FIG4: variants seen among roughly 807,000 people sequenced by gnomAD.
FIG4 encodes the protein polyphosphoinositide phosphatase.
Under a neutral mutation model 118.6 loss-of-function variants are expected in FIG4, and 112 were observed. That is an observed-to-expected ratio of 0.94 (90% CI 0.81 to 1.11). The LOEUF (loss-of-function observed/expected upper bound fraction) is 1.11, where lower values mean the gene tolerates loss of function less well. Ranked by LOEUF, FIG4 falls within the 50% of genes least tolerant of loss-of-function variation. The pLI, the probability that FIG4 is intolerant of heterozygous loss-of-function variation, is 0.00. For missense variants in FIG4, 969 were observed against 1,111.7 expected (o/e 0.87, Z 1.83); for synonymous variants, 369 against 381.2 (o/e 0.97, Z 0.37).
intron 3 of FIG4, among the ~76,000 whole-genome samples, chr6:109,720,207 G>A (rs1444815956): frequency 6.6e-6 from 1 of 152,184 alleles, no homozygotes; most frequent in African/African-American, 2.4e-5. Context: ...AAGAATCCAT[G>A]AAAAGTAAAC....
intron 11 of FIG4, among the ~76,000 whole-genome samples, chr6:109,761,213 C>T (rs1170474834): frequency 6.6e-6 from 1 of 152,078 alleles, no homozygotes; most frequent in East Asian, 1.9e-4. Context: ...ATTTTTCAAA[C>T]ATAGTCTTGC....
intron 18 of FIG4, among the ~76,000 whole-genome samples, chr6:109,787,905 A>G (rs1488478795): frequency 1.3e-5 from 2 of 152,202 alleles, no homozygotes; most frequent in South Asian, 2.1e-4. Context: ...TTAATATACA[A>G]TCAGTCCCTG....
At chr6:109,806,394 A>T (rs1583761119) in intron 22 of FIG4, among the ~76,000 whole-genome samples, 1 of 152,104 alleles carries the variant, frequency 6.6e-6, no homozygotes, top group East Asian at 1.9e-4. Context: ...ACTTCTAGAG[A>T]TACAAAGGGA....
intron 1 of FIG4, among the ~76,000 whole-genome samples, chr6:109,692,109 TTGAA>T (rs1774473140): frequency 6.6e-6 from 1 of 152,234 alleles, no homozygotes; most frequent in African/African-American, 2.4e-5. Context: ...TTTTATTACT[TTGAA>T]TGGCCATGTA....
intron 10 of FIG4, among the ~76,000 whole-genome samples, chr6:109,758,589 A>G (rs994503078): frequency 1.3e-5 from 2 of 152,242 alleles, no homozygotes; most frequent in Non-Finnish European, 2.9e-5. Context: ...AATGGCAACA[A>G]AAGCCAAAAT....
chr6:109,780,369 C>A (rs1012503641), intron 16 of FIG4, among the ~76,000 whole-genome samples: 1 of 152,086 alleles, frequency 6.6e-6, no homozygotes, highest in Non-Finnish European at 1.5e-5. Flanking sequence ...GACACCACCA[C>A]ACCCAGCTAA....
intron 1 of FIG4, among the ~76,000 whole-genome samples, chr6:109,699,134 A>G (rs1242777467): frequency 2.6e-5 from 4 of 152,242 alleles, no homozygotes; most frequent in African/African-American, 9.6e-5. Context: ...AATGATATCA[A>G]TCATTTTCCA....
rs1409977877 is a variant in FIG4 at position 109,765,065 on chromosome 6, C to T, written c.1487C>T (p.Ala496Val). 6.2e-7 allele frequency: 1 copy of T among 1,613,578 alleles called. No individual in the cohort carries two copies. The highest frequency in any genetic ancestry group is 8.5e-7 in the Non-Finnish European group (1 of 1,179,506). The stretch of plus-strand genomic sequence containing the variant: ...GACTGTTTAGATCGCACCAACACAG[C>T]ACAGTTTATGGTGGGAAAATGTGCT... ...CVDCLDRTNT[A>V]QFMVGKCALA... The change falls in exon 14 of 23, where the codon GCA becomes GTA. Residue 496 changes from alanine to valine, a missense_variant. Physicochemically the swap from Ala to Val is moderately conservative, Grantham distance 64 (BLOSUM62 0). Transcript: ENST00000230124.
In FIG4 at chr6:109,800,359, T is replaced by C. The variant is rs183707492; in HGVS notation, c.2546+3508T>C. ...TCTAATATTTCTGCTCTGTCGATCT[T>C]GAGTTTTAAAAAATACTTAAGGAGA... On this transcript the variant is annotated intron_variant, in intron 22 of 22. Transcript: ENST00000230124. 3.8e-3 allele frequency among the ~76,000 whole-genome samples: 586 copies of C among 152,322 alleles called. 3 individuals are homozygous for C. The highest frequency in any genetic ancestry group is 7.5e-3 in the Non-Finnish European group (508 of 68,022).
chr6:109,706,210 T>C (rs1775062217), intron 1 of FIG4, among the ~76,000 whole-genome samples: 1 of 152,166 alleles, frequency 6.6e-6, no homozygotes. Context: ...AAGTACTACA[T>C]TTAGGTAGAA....
rs1189955760 is a variant in FIG4 at position 109,717,542 on chromosome 6, G to A, written c.289+974G>A. On this transcript the variant is annotated intron_variant, in intron 3 of 22. Transcript: ENST00000230124. ...AACAACTCTAAGATTATAAGTAAGA[G>A]CCAAGCTGTGTAGTATGAATTAAAT... is the stretch of plus-strand genomic sequence containing the variant. Among the ~76,000 whole-genome samples the A allele has an allele frequency of 2.6e-5, 4 of 152,168 alleles. No homozygotes were observed. The East Asian group carries it at 5.8e-4, about 22-fold the overall frequency.
intron 1 of FIG4, among the ~76,000 whole-genome samples, chr6:109,700,107 C>T (rs2128378134): frequency 6.6e-6 from 1 of 152,288 alleles, no homozygotes; most frequent in South Asian, 2.1e-4. Flanking sequence ...GATTAGGTTT[C>T]AACATATGAA....
rs1272129116 is a variant in FIG4 at position 109,727,200 on chromosome 6, C to T, written c.381C>T (p.Val127=). 13 of 1,611,276 alleles carry T rather than the reference C, an allele frequency of 8.1e-6. No individual in the cohort carries two copies. Among genetic ancestry groups the T allele is most frequent in the East Asian group, 4.5e-5 (2 of 44,846 alleles). The change falls in exon 4 of 23, where the codon GTC becomes GTT. Residue 127 remains valine, a synonymous_variant. Coordinates refer to ENST00000230124, the MANE Select transcript of FIG4 (RefSeq NM_014845.6). The part of the protein sequence containing the change: ...ADIGGHAIYK[V]EDTNMIYIPN... ...TTGGAGGTCATGCAATCTATAAGGT[C>T]GAAGATACAAATATGATCTATATAC...
intron 6 of FIG4, among the ~76,000 whole-genome samples, chr6:109,736,221 T>A (rs1229035965): frequency 6.6e-6 from 1 of 152,090 alleles, no homozygotes; most frequent in Non-Finnish European, 1.5e-5. Flanking sequence ...TAGAATCCAA[T>A]CTAAAGTAGT....
At chr6:109,703,857 C>G (rs1159655312) in intron 1 of FIG4, among the ~76,000 whole-genome samples, 1 of 152,186 alleles carries the variant, frequency 6.6e-6, no homozygotes, top group East Asian at 1.9e-4. Flanking sequence ...CTGGGGTTTT[C>G]TCATTCACCA....
intron 22 of FIG4, among the ~76,000 whole-genome samples, chr6:109,819,230 A>G (rs1778940378): frequency 6.6e-6 from 1 of 152,182 alleles, no homozygotes; most frequent in Admixed American, 6.5e-5. Flanking sequence ...GGAGTATGGG[A>G]AACATACAAC....
intron 1 of FIG4, among the ~76,000 whole-genome samples, chr6:109,708,767 T>C (rs1775168363): frequency 6.6e-6 from 1 of 152,226 alleles, no homozygotes; most frequent in Non-Finnish European, 1.5e-5. Flanking sequence ...ATGTATGTCT[T>C]CTTTAGAAAA....
At chr6:109,707,430 C>CAT (rs1182675092) in intron 1 of FIG4, among the ~76,000 whole-genome samples, 13 of 147,200 alleles carry the variant, frequency 8.8e-5, no homozygotes, top group Non-Finnish European at 1.5e-4. Context: ...TACATATATA[C>CAT]ATATATATAC....
intron 19 of FIG4, among the ~76,000 whole-genome samples, 185 bp downstream of exon 19, chr6:109,789,862 T>A (rs1489910787): frequency 6.6e-6 from 1 of 152,206 alleles, no homozygotes; most frequent in African/African-American, 2.4e-5. Flanking sequence ...TGCATTTTAT[T>A]GTTTTAAATT....
Sources: gnomAD v4.1 joint callset for allele counts (sites outside exome capture counted in the v4.1 genomes callset) on GRCh38, gnomAD v4.1.1 for gene constraint, MANE v1.5 for transcripts, NCBI Gene and HGNC (gene_info 2026-07-23, HGNC 2026-07-21) for gene names.